The following CCSER1 variants were observed in gnomAD, a reference collection of about 807,000 sequenced individuals.
CCSER1 encodes the protein coiled-coil serine rich protein 1.
In CCSER1, 41 loss-of-function variants were observed where a neutral mutation model predicts 82.0. The observed-to-expected ratio is 0.50, with a 90% CI of 0.39 to 0.65. The LOEUF is 0.65. Among genes scored for constraint, CCSER1 ranks in the 30% least tolerant of loss-of-function variants. The pLI, the probability that CCSER1 is intolerant of heterozygous loss-of-function variation, is 0.00. For synonymous variants in CCSER1, 414 were observed against 383.9 expected (o/e 1.08, Z -0.92); for missense variants, 1,119 against 1,064.2 (o/e 1.05, Z -0.72).
chr4:91,315,655 C>T (rs1745779863), intron 10 of CCSER1, among the ~76,000 whole-genome samples: 1 of 151,884 alleles, frequency 6.6e-6, no homozygotes. Context: ...ATCAATGAGC[C>T]AATCCACTTG....
chr4:91,412,034 A>ATT (rs925137608), intron 10 of CCSER1, among the ~76,000 whole-genome samples: 1 of 151,962 alleles, frequency 6.6e-6, no homozygotes, highest in African/African-American at 2.4e-5. Context: ...AGCAACAATA[A>ATT]TTTTGCAGCC....
intron 9 of CCSER1, among the ~76,000 whole-genome samples, chr4:91,025,524 G>A (rs1023149450): frequency 2.6e-5 from 4 of 152,104 alleles, no homozygotes; most frequent in Non-Finnish European, 5.9e-5. Context: ...GTGTATTTTT[G>A]TTTCACTGTT....
chr4:91,330,039 T>G (rs1746837797), intron 10 of CCSER1, among the ~76,000 whole-genome samples: 1 of 152,130 alleles, frequency 6.6e-6, no homozygotes, highest in Non-Finnish European at 1.5e-5. Flanking sequence ...TTATTCTAAC[T>G]TCTTATTTTG....
chr4:90,339,883 C>A (rs1251485495), intron 3 of CCSER1, among the ~76,000 whole-genome samples: 1 of 151,762 alleles, frequency 6.6e-6, no homozygotes, highest in African/African-American at 2.4e-5. Context: ...GCAAAAGATA[C>A]TTTAGAGCAT....
chr4:90,178,225 C>T (rs567812203), intron 1 of CCSER1, among the ~76,000 whole-genome samples: 2 of 152,114 alleles, frequency 1.3e-5, no homozygotes, highest in African/African-American at 4.8e-5. Context: ...AGAGCATAAA[C>T]AAAGTATTCC....
intron 10 of CCSER1, among the ~76,000 whole-genome samples, chr4:91,292,929 T>C (rs1464948788): frequency 6.6e-6 from 1 of 151,948 alleles, no homozygotes; most frequent in African/African-American, 2.4e-5. Context: ...ATATGACATC[T>C]ACAGAGAGAA....
At chr4:90,376,111 C>A (rs927907608) in intron 3 of CCSER1, among the ~76,000 whole-genome samples, 30 of 152,132 alleles carry the variant, frequency 2.0e-4, no homozygotes, top group African/African-American at 7.0e-4. Flanking sequence ...TCACAATTGA[C>A]CTTCAAGTGT....
At chr4:90,331,875 G>T in intron 3 of CCSER1, among the ~76,000 whole-genome samples, 1 of 150,054 alleles carries the variant, frequency 6.7e-6, no homozygotes. Flanking sequence ...CAGATAATCT[G>T]TTTCCACGAA....
chr4:91,414,941 G>A (rs1173234423), intron 10 of CCSER1, among the ~76,000 whole-genome samples: 2 of 152,102 alleles, frequency 1.3e-5, no homozygotes, highest in Non-Finnish European at 2.9e-5. Context: ...TAAAGCAAAT[G>A]TTAGTAGAAC....
At chr4:90,283,810 G>T (rs577149084) in intron 1 of CCSER1, among the ~76,000 whole-genome samples, 2 of 151,896 alleles carry the variant, frequency 1.3e-5, no homozygotes, top group Admixed American at 1.3e-4. Flanking sequence ...ATCTCTTTTC[G>T]TTGTATTGAT....
chr4:91,096,229 TTC>T (rs751014590), intron 10 of CCSER1, among the ~76,000 whole-genome samples: 20 of 152,130 alleles, frequency 1.3e-4, no homozygotes, highest in Non-Finnish European at 2.8e-4. Context: ...AGGGAGGAGT[TTC>T]TCCTGCAGCT....
intron 10 of CCSER1, among the ~76,000 whole-genome samples, chr4:91,222,236 G>A (rs1258079714): frequency 2.6e-5 from 4 of 151,112 alleles, no homozygotes; most frequent in Non-Finnish European, 5.9e-5. Context: ...AGGAAGGTGA[G>A]CACAGCCGAG....
intron 5 of CCSER1, among the ~76,000 whole-genome samples, chr4:90,594,769 T>G (rs1783114197): frequency 6.6e-6 from 1 of 152,000 alleles, no homozygotes; most frequent in Non-Finnish European, 1.5e-5. Context: ...AGAATTGAGG[T>G]GCTTTTTAGC....
intron 5 of CCSER1, among the ~76,000 whole-genome samples, chr4:90,527,123 C>G (rs1773872303): frequency 6.6e-6 from 1 of 152,152 alleles, no homozygotes; most frequent in African/African-American, 2.4e-5. Flanking sequence ...TAAAAAGCTT[C>G]TGCACAGCAA....
intron 9 of CCSER1, among the ~76,000 whole-genome samples, chr4:91,036,306 AAATT>A (rs1163248988): frequency 6.6e-6 from 1 of 152,196 alleles, no homozygotes; most frequent in African/African-American, 2.4e-5. Context: ...GATTGTTTCA[AAATT>A]AATTTGATGA....
At chr4:90,729,736 C>A (rs908761609) in intron 7 of CCSER1, among the ~76,000 whole-genome samples, 16 of 151,982 alleles carry the variant, frequency 1.1e-4, no homozygotes, top group Middle Eastern at 3.4e-3. Flanking sequence ...ATTAGCCTGG[C>A]GTGGTTGTGG....
intron 10 of CCSER1, among the ~76,000 whole-genome samples, chr4:91,149,606 T>G (rs1581650531): frequency 6.6e-6 from 1 of 152,160 alleles, no homozygotes; most frequent in Non-Finnish European, 1.5e-5. Flanking sequence ...GTTTTTATCG[T>G]TTTAGGTCTG....
intron 6 of CCSER1, among the ~76,000 whole-genome samples, chr4:90,711,734 T>TG (rs1329449657): frequency 2.6e-5 from 4 of 151,670 alleles, no homozygotes; most frequent in African/African-American, 4.9e-5. Context: ...TTTTTTTTTT[T>TG]GTCAGTATTT....
rs902739505 is a variant in CCSER1 at position 90,493,583 on chromosome 4, G to C, written c.1724+25229G>C. Among the ~76,000 whole-genome samples the C allele has an allele frequency of 4.9e-4, 74 of 152,194 alleles. 1 individual carries two copies. The highest frequency in any genetic ancestry group is 5.6e-4 in the Non-Finnish European group (38 of 68,030). On this transcript the variant is annotated intron_variant, in intron 5 of 10. Coordinates refer to ENST00000509176, the MANE Select transcript of CCSER1 (RefSeq NM_001145065.2). ...TGATCTCTTGCTAGAAACTCTACAA[G>C]CCAGAAGAGAGTGGGATCCAATATT...
Sources: gnomAD v4.1 joint callset for allele counts (sites outside exome capture counted in the v4.1 genomes callset) on GRCh38, gnomAD v4.1.1 for gene constraint, MANE v1.5 for transcripts, NCBI Gene and HGNC (gene_info 2026-07-23, HGNC 2026-07-21) for gene names.